Variants in ASPG observed in about 807,000 individuals in gnomAD.
ASPG encodes the protein asparaginase, also known as 60 kDa lysophospholipase.
Under a neutral mutation model 63.2 loss-of-function variants are expected in ASPG, and 53 were observed. The observed-to-expected ratio is 0.84, with a 90% CI of 0.67 to 1.05. The LOEUF is 1.05. Ranked by LOEUF, ASPG falls within the 50% of genes least tolerant of loss-of-function variation. The pLI, the probability that ASPG is intolerant of heterozygous loss-of-function variation, is 0.00. For missense variants in ASPG, 741 were observed against 794.4 expected (o/e 0.93, Z 0.81); for synonymous variants, 370 against 355.0 (o/e 1.04, Z -0.48).
chr14:104,105,596 G>A, intron 10 of ASPG, 146 bp downstream of exon 10: 2 of 1,182,796 alleles, frequency 1.7e-6, no homozygotes, highest in East Asian at 2.6e-5. Flanking sequence ...GGGCCCAGGA[G>A]GAGGGTTTGG....
chr14:104,104,180 G>A (rs1214532799), intron 7 of ASPG, 124 bp from the exon 8 acceptor site: 1 of 1,130,278 alleles, frequency 8.8e-7, no homozygotes, highest in Non-Finnish European at 1.2e-6. Context: ...ACTGTCCCGG[G>A]AGCAGAGCAG....
At position 104,098,990 on chromosome 14, in the gene ASPG, C is replaced by A; in HGVS notation, c.640+11C>A. The A allele has an allele frequency of 6.3e-7, 1 of 1,577,522 alleles. No individual in the cohort carries two copies. On this transcript the variant is annotated intron_variant, in intron 6 of 15. Coordinates refer to ENST00000551177, the MANE Select transcript of ASPG (RefSeq NM_001080464.3). Reference sequence around the variant, plus strand: ...GTGCTGACATCACAAGTAAGCCCCGCAGGAGCAGGGCCAGGTGCCTGCCCA... The same window carrying A: ...GTGCTGACATCACAAGTAAGCCCCGAAGGAGCAGGGCCAGGTGCCTGCCCA...
chr14:104,097,568 C>A lies in ASPG; in HGVS notation c.444C>A (p.Ala148=), dbSNP rs768211336. ...CTCTCCCCCAGGTGCCCATCCATGCCCTGTGGAGCGACGGCCGTGAGAACC... is the reference window on the plus strand; with the variant it reads ...CTCTCCCCCAGGTGCCCATCCATGCACTGTGGAGCGACGGCCGTGAGAACC... ...ILTGAQVPIH[A]LWSDGRENLL... Residue 148 remains alanine, a synonymous_variant, in exon 5 of 16, where the codon GCC becomes GCA. Transcript: ENST00000551177. 1.9e-6 allele frequency: 3 copies of A among 1,555,560 alleles called. No homozygotes were observed. Among genetic ancestry groups the A allele is most frequent in the Non-Finnish European group, 1.7e-6 (2 of 1,149,986 alleles).
chr14:104,111,294 G>A, intron 13 of ASPG: 1 of 784,552 alleles, frequency 1.3e-6, no homozygotes, highest in African/African-American at 1.9e-5. Context: ...TACCCGACTT[G>A]AGTCGCAGTC....
Position 104,107,144 on chromosome 14 carries a change from G to GTC in ASPG, c.1270-35_1270-34dup, listed in dbSNP as rs1203788006. Reference sequence around the variant, plus strand: ...CCATGGCCTACCTGGCCCCGCCTGGGTCTCCCTCAGGGGTCGCATGTCCTT... The same window carrying GTC: ...CCATGGCCTACCTGGCCCCGCCTGGGTCTCTCCCTCAGGGGTCGCATGTCCTT... On this transcript the variant is annotated intron_variant, in intron 11 of 15. Transcript: ENST00000551177. 58 of 1,527,058 alleles carry GTC rather than the reference G, an allele frequency of 3.8e-5. No individual in the cohort carries two copies. The Admixed American group carries it at 1.1e-3, about 30-fold the overall frequency. The allele number at this position is 1,527,058 out of a possible 1,614,324, so 94.6% of individuals were successfully genotyped here. A position where few individuals can be genotyped will look rare whatever the true frequency, so the allele number is the denominator to read the frequency against.
chr14:104,106,914 G>T lies in ASPG; in HGVS notation c.1269+20G>T. On this transcript the variant is annotated intron_variant, in intron 11 of 15. Transcript: ENST00000551177. Reference sequence around the variant, plus strand: ...GAGCTGGTGAGCCTCCCCCACCCTGGGGGCCCAGCCCCAGCCACGCCTGGC... The same window carrying T: ...GAGCTGGTGAGCCTCCCCCACCCTGTGGGCCCAGCCCCAGCCACGCCTGGC... 6.4e-7 allele frequency: 1 copy of T among 1,555,966 alleles called. No individual in the cohort carries two copies. Among genetic ancestry groups the T allele is most frequent in the South Asian group, 1.2e-5 (1 of 84,904 alleles).
intron 6 of ASPG, among the ~76,000 whole-genome samples, chr14:104,102,608 C>T (rs1301044988): frequency 6.6e-6 from 1 of 152,220 alleles, no homozygotes; most frequent in East Asian, 1.9e-4. Context: ...TCCAGCCCTG[C>T]TCTGCTGGAG....
intron 1 of ASPG, among the ~76,000 whole-genome samples, chr14:104,087,579 C>A (rs1225427512): frequency 6.6e-6 from 1 of 152,204 alleles, no homozygotes; most frequent in African/African-American, 2.4e-5. Flanking sequence ...GAGTGGGGAG[C>A]CCAGCAGGGC....
At chr14:104,092,314 G>T (rs1347475261) in intron 1 of ASPG, among the ~76,000 whole-genome samples, 3 of 152,166 alleles carry the variant, frequency 2.0e-5, no homozygotes, top group African/African-American at 7.2e-5. Flanking sequence ...TGTGGACTAA[G>T]CATTTGGAGA....
At position 104,112,526 on chromosome 14, in the gene ASPG, A is replaced by G; in HGVS notation, c.1704A>G (p.Glu568=). Residue 568 remains glutamate, a splice_region_variant and synonymous_variant, in exon 16 of 16, where the codon GAA becomes GAG. Transcript: ENST00000551177. ...CTCAGGAGCCCTCATGTTTTCAGGAAGTGCTGCCTGGTGTCTAACCTGAAG... is the reference window on the plus strand; with the variant it reads ...CTCAGGAGCCCTCATGTTTTCAGGAGGTGCTGCCTGGTGTCTAACCTGAAG... The part of the protein sequence containing the change: ...GAVGAQAPCP[E]VLPGV 6.7e-7 allele frequency: 1 copy of G among 1,495,728 alleles called. No homozygotes were observed. Among genetic ancestry groups the G allele is most frequent in the Non-Finnish European group, 9.3e-7 (1 of 1,072,604 alleles). 92.7% of individuals were successfully genotyped at this position (1,495,728 alleles called of 1,614,324 possible).
rs568738238 is a variant in ASPG at position 104,106,602 on chromosome 14, G to C, written c.1174-197G>C. The stretch of plus-strand genomic sequence containing the variant: ...AGCTCCAGGGGAAGGGGTCCTAGGT[G>C]GGCCTGGATGGGGTGGGGTGGTGAG... On this transcript the variant is annotated intron_variant, in intron 10 of 15. Coordinates refer to ENST00000551177, the MANE Select transcript of ASPG (RefSeq NM_001080464.3). Among the ~76,000 whole-genome samples the C allele has an allele frequency of 7.9e-5, 12 of 152,222 alleles. No homozygotes were observed. The East Asian group carries it at 2.1e-3, about 27-fold the overall frequency.
intron 10 of ASPG, among the ~76,000 whole-genome samples, chr14:104,105,698 C>A (rs1469011964): frequency 6.6e-6 from 1 of 152,202 alleles, no homozygotes; most frequent in African/African-American, 2.4e-5. Flanking sequence ...TTCTGACTGG[C>A]GGCGCTGCCT....
Position 104,109,244 on chromosome 14 carries a change from T to C in ASPG, c.1449T>C (p.Ile483=). The change falls in exon 13 of 16, where the codon ATT becomes ATC. Residue 483 remains isoleucine (I), a synonymous_variant. Coordinates refer to ENST00000551177, the MANE Select transcript of ASPG (RefSeq NM_001080464.3). This position sits in a 1 kb window ranked among gnomAD's most constrained non-coding sequence, Gnocchi z 4.8. ...TCTCACACAGGCATCCGGGTGTCAT[T>C]GGGTTGCTGCGGGAAGCCGGGGCCT... The part of the protein sequence containing the change: ...LAVRGRHPGV[I]GLLREAGASL... 1 of 1,613,294 alleles carries C rather than the reference T, an allele frequency of 6.2e-7. No individual in the cohort carries two copies. The highest frequency in any genetic ancestry group is 2.2e-5 in the East Asian group (1 of 44,858).
chr14:104,095,105 G>A (rs1017889350), intron 3 of ASPG, among the ~76,000 whole-genome samples: 6 of 152,176 alleles, frequency 3.9e-5, no homozygotes, highest in African/African-American at 1.2e-4. Flanking sequence ...GCTGGTTCCC[G>A]GCCATGGCTG....
At chr14:104,106,491 C>A (rs116573042) in intron 10 of ASPG, among the ~76,000 whole-genome samples, 1 of 151,806 alleles carries the variant, frequency 6.6e-6, no homozygotes, top group Admixed American at 6.6e-5. Context: ...TGGGAGCAGA[C>A]GGGGGAGTCT....
chr14:104,096,261 G>C (rs73358206), intron 4 of ASPG, among the ~76,000 whole-genome samples: 26 of 152,286 alleles, frequency 1.7e-4, no homozygotes, highest in Non-Finnish European at 3.5e-4. Context: ...TGTTGCCTGC[G>C]GGTGGCAGTG....
intron 6 of ASPG, among the ~76,000 whole-genome samples, chr14:104,101,119 C>T (rs1393736946): frequency 6.6e-6 from 1 of 152,136 alleles, no homozygotes; most frequent in Non-Finnish European, 1.5e-5. Flanking sequence ...GGAGGCTGCC[C>T]TGGCCCCAGC....
At chr14:104,090,525 C>CA (rs1347955451) in intron 1 of ASPG, among the ~76,000 whole-genome samples, 1 of 152,268 alleles carries the variant, frequency 6.6e-6, no homozygotes, top group East Asian at 1.9e-4. Flanking sequence ...CAAGGTGCTG[C>CA]AGGGCACCGC....
intron 1 of ASPG, among the ~76,000 whole-genome samples, chr14:104,086,162 G>A (rs2036216998): frequency 6.6e-6 from 1 of 152,204 alleles, no homozygotes. Context: ...CTGGAATATG[G>A]GGCGGGAGGG....
Sources: gnomAD v4.1 joint callset for allele counts (sites outside exome capture counted in the v4.1 genomes callset) on GRCh38, gnomAD v4.1.1 for gene constraint, Gnocchi (gnomAD v3.1) non-coding constraint, MANE v1.5 for transcripts, NCBI Gene and HGNC (gene_info 2026-07-23, HGNC 2026-07-21) for gene names.